SYT1: variants seen among roughly 807,000 people sequenced by gnomAD.
SYT1 encodes the protein synaptotagmin 1.
SYT1 carries 8 observed loss-of-function variants against 44.8 expected under a neutral mutation model. The ratio of observed to expected loss-of-function variants is 0.18; its 90% CI spans 0.10 to 0.32. The LOEUF (loss-of-function observed/expected upper bound fraction) is 0.32. Among genes scored for constraint, SYT1 ranks in the 10% least tolerant of loss-of-function variants. The pLI, the probability that SYT1 is intolerant of heterozygous loss-of-function variation, is 1.00. For missense variants in SYT1, 286 were observed against 509.3 expected (o/e 0.56, Z 4.22); for synonymous variants, 154 against 188.8 (o/e 0.82, Z 1.51).
At chr12:79,222,573 G>T (rs944477459) in intron 4 of SYT1, among the ~76,000 whole-genome samples, 1 of 152,008 alleles carries the variant, frequency 6.6e-6, no homozygotes. Context: ...AGTAGAGACA[G>T]GGTTTCACCA....
chr12:79,109,057 T>C (rs544838197), intron 3 of SYT1, among the ~76,000 whole-genome samples: 1 of 152,200 alleles, frequency 6.6e-6, no homozygotes, highest in East Asian at 1.9e-4. Context: ...AAACAGGGAC[T>C]CTCCACAAGG....
At chr12:78,884,941 A>G (rs944434854) in intron 1 of SYT1, among the ~76,000 whole-genome samples, 1 of 151,796 alleles carries the variant, frequency 6.6e-6, no homozygotes, top group Non-Finnish European at 1.5e-5. Context: ...CTGTTTTTGT[A>G]TATTGCTTAT....
chr12:79,001,827 G>A (rs930949392), intron 2 of SYT1, among the ~76,000 whole-genome samples: 2 of 151,816 alleles, frequency 1.3e-5, no homozygotes, highest in African/African-American at 4.8e-5. Flanking sequence ...CTGATGTGAA[G>A]TTTATCTTCT....
At chr12:79,104,850 A>G (rs921930583) in intron 3 of SYT1, among the ~76,000 whole-genome samples, 4 of 152,174 alleles carry the variant, frequency 2.6e-5, no homozygotes, top group African/African-American at 9.7e-5. Context: ...CTTTCTGGAA[A>G]CACAGTATCT....
intron 1 of SYT1, among the ~76,000 whole-genome samples, chr12:78,909,937 C>T (rs1876222121): frequency 6.6e-6 from 1 of 151,794 alleles, no homozygotes; most frequent in African/African-American, 2.4e-5. Flanking sequence ...ATAAAGTTAT[C>T]AGATATTACT....
chr12:79,181,062 T>A (rs1042415650), intron 3 of SYT1, among the ~76,000 whole-genome samples: 2 of 152,106 alleles, frequency 1.3e-5, no homozygotes. Flanking sequence ...TCTGCCATGA[T>A]TGTAAGTTTC....
intron 9 of SYT1, among the ~76,000 whole-genome samples, chr12:79,386,971 A>T (rs542785679): frequency 2.5e-4 from 38 of 152,276 alleles, no homozygotes; most frequent in African/African-American, 9.1e-4. Flanking sequence ...CCAGCATTTA[A>T]TAGAGCCATT....
chr12:78,961,128 A>G (rs1879479198), intron 1 of SYT1, among the ~76,000 whole-genome samples: 1 of 151,910 alleles, frequency 6.6e-6, no homozygotes, highest in South Asian at 2.1e-4. Context: ...TTTTTTTAGA[A>G]AAAGTTTCTC....
At chr12:79,167,038 T>G (rs896003740) in intron 3 of SYT1, among the ~76,000 whole-genome samples, 1 of 152,076 alleles carries the variant, frequency 6.6e-6, no homozygotes, top group Non-Finnish European at 1.5e-5. Context: ...AGATTGTTAA[T>G]AGAGTACTTA....
At chr12:79,213,826 G>A (rs992260536) in intron 3 of SYT1, among the ~76,000 whole-genome samples, 1 of 152,194 alleles carries the variant, frequency 6.6e-6, no homozygotes, top group Non-Finnish European at 1.5e-5. Context: ...TCAGGAGGCT[G>A]AGGCAGAATT....
At chr12:79,405,310 A>G (rs1478215160) in intron 9 of SYT1, among the ~76,000 whole-genome samples, 1 of 152,168 alleles carries the variant, frequency 6.6e-6, no homozygotes, top group African/African-American at 2.4e-5. Flanking sequence ...TTTAAACCCC[A>G]AAATTCCAAA....
intron 3 of SYT1, among the ~76,000 whole-genome samples, chr12:79,209,006 C>T (rs1344580614): frequency 6.6e-6 from 1 of 152,134 alleles, no homozygotes; most frequent in Admixed American, 6.5e-5. Flanking sequence ...ATCCAGGCAC[C>T]TGGGTGTTTT....
rs538076189 is a variant in SYT1 at position 78,927,187 on chromosome 12, C to T, written c.-216-50612C>T. Among the ~76,000 whole-genome samples the T allele has an allele frequency of 1.1e-4, 17 of 152,210 alleles. No homozygotes were observed. In the South Asian group the frequency reaches 3.5e-3, roughly 32 times the overall value. Reference sequence around the variant, plus strand: ...AGTCCCTCATTTCCCCACATCACCACTCCTCTTTAAGATCTCCTTCTTTCC... The same window carrying T: ...AGTCCCTCATTTCCCCACATCACCATTCCTCTTTAAGATCTCCTTCTTTCC... On this transcript the variant is annotated intron_variant, in intron 1 of 10. Coordinates refer to ENST00000261205, the MANE Select transcript of SYT1 (RefSeq NM_005639.3).
At chr12:79,157,561 C>T (rs999435355) in intron 3 of SYT1, among the ~76,000 whole-genome samples, 11 of 152,242 alleles carry the variant, frequency 7.2e-5, no homozygotes, top group African/African-American at 2.6e-4. Context: ...TAAATATGTG[C>T]TTCCATTCCA....
intron 2 of SYT1, among the ~76,000 whole-genome samples, chr12:79,041,121 C>A (rs1364137967): frequency 1.3e-5 from 2 of 151,644 alleles, no homozygotes; most frequent in Non-Finnish European, 3.0e-5. Context: ...TTTTTTGGTT[C>A]CATATGAACT....
intron 2 of SYT1, among the ~76,000 whole-genome samples, chr12:78,981,240 G>T (rs1869238930): frequency 6.7e-6 from 1 of 148,408 alleles, no homozygotes. Flanking sequence ...TGATTCTCCT[G>T]CCTCAGCCTC....
In SYT1 at chr12:79,451,275, A is replaced by T. The variant is rs893820900; in HGVS notation, c.*2151A>T. The T allele has an allele frequency of 2.0e-5, 3 of 152,234 alleles. No homozygotes were observed. Among genetic ancestry groups the T allele is most frequent in the Non-Finnish European group, 2.9e-5 (2 of 68,046 alleles). 9.4% of individuals were successfully genotyped at this position (152,234 alleles called of 1,614,324 possible). On this transcript the variant is annotated 3_prime_UTR_variant, in exon 11 of 11. Transcript: ENST00000261205. Reference sequence around the variant, plus strand: ...GCCGATGGTCCGTACTTCTTAAAAAACATAGGTAATAGAAAATATACACAA... The same window carrying T: ...GCCGATGGTCCGTACTTCTTAAAAATCATAGGTAATAGAAAATATACACAA...
At chr12:78,965,055 A>G (rs1000280922) in intron 1 of SYT1, among the ~76,000 whole-genome samples, 6 of 152,120 alleles carry the variant, frequency 3.9e-5, no homozygotes, top group Admixed American at 3.9e-4. Context: ...AAATAAAAAT[A>G]GGCCCAATCT....
chr12:78,958,912 C>G (rs891742837), intron 1 of SYT1, among the ~76,000 whole-genome samples: 1 of 152,052 alleles, frequency 6.6e-6, no homozygotes, highest in African/African-American at 2.4e-5. Flanking sequence ...AGATTTCCTA[C>G]ATAAATATTC....
Sources: allele counts gnomAD v4.1 joint callset (sites outside exome capture counted in the v4.1 genomes callset), GRCh38; gene constraint gnomAD v4.1.1; transcripts MANE v1.5; gene names NCBI Gene and HGNC (gene_info 2026-07-23, HGNC 2026-07-21).